LRRC4C: variants seen among roughly 807,000 people sequenced by gnomAD.
LRRC4C encodes leucine rich repeat containing 4C.
LRRC4C carries 5 observed loss-of-function variants against 33.6 expected under a neutral mutation model. The ratio of observed to expected loss-of-function variants is 0.15; its 90% CI spans 0.08 to 0.31. LRRC4C has a LOEUF of 0.31. LRRC4C is among the 10% of genes least tolerant of loss of function. The pLI is 1.00. For synonymous variants in LRRC4C, 329 were observed against 302.0 expected (o/e 1.09, Z -0.93); for missense variants, 560 against 796.7 (o/e 0.70, Z 3.58).
At chr11:40,298,431 C>T (rs1264452233) in intron 4 of LRRC4C, among the ~76,000 whole-genome samples, 1 of 150,512 alleles carries the variant, frequency 6.6e-6, no homozygotes, top group Non-Finnish European at 1.5e-5. Context: ...TGCAACTGGG[C>T]TCCACCCCAC....
chr11:40,281,653 C>G (rs1471042956), intron 4 of LRRC4C, among the ~76,000 whole-genome samples: 1 of 152,068 alleles, frequency 6.6e-6, no homozygotes, highest in East Asian at 1.9e-4. Context: ...GTCCATTGCC[C>G]TGAAATTAAA....
chr11:40,211,908 TG>T (rs1863631291), intron 5 of LRRC4C, among the ~76,000 whole-genome samples: 1 of 152,186 alleles, frequency 6.6e-6, no homozygotes, highest in Non-Finnish European at 1.5e-5. Flanking sequence ...ATTAGAATGT[TG>T]GGACAGAGAG....
intron 5 of LRRC4C, among the ~76,000 whole-genome samples, chr11:40,235,536 T>C (rs1016878936): frequency 6.6e-6 from 1 of 152,142 alleles, no homozygotes; most frequent in Non-Finnish European, 1.5e-5. Flanking sequence ...GACAAATTGT[T>C]GAAAGAAAAT....
chr11:40,972,461 A>T (rs561116426), intron 1 of LRRC4C, among the ~76,000 whole-genome samples: 2 of 152,248 alleles, frequency 1.3e-5, no homozygotes, highest in African/African-American at 2.4e-5. Flanking sequence ...TGAGAAGGAC[A>T]TGAGATTTGG....
chr11:40,147,831 T>G (rs186951075), intron 5 of LRRC4C, among the ~76,000 whole-genome samples: 9 of 152,204 alleles, frequency 5.9e-5, no homozygotes, highest in Middle Eastern at 3.4e-3. Flanking sequence ...TTGTACAGAT[T>G]ATTTCATCAC....
At chr11:41,119,484 G>A (rs1433170155) in intron 1 of LRRC4C, among the ~76,000 whole-genome samples, 1 of 152,182 alleles carries the variant, frequency 6.6e-6, no homozygotes, top group Non-Finnish European at 1.5e-5. Context: ...AAGTCAATTT[G>A]CCTAAACCAC....
chr11:40,633,325 T>TTTTCTTTCTTTCTTTCTTTCTTTCTTTC (rs1555125485), intron 3 of LRRC4C, among the ~76,000 whole-genome samples: 71 of 112,274 alleles, frequency 6.3e-4, no homozygotes, highest in African/African-American at 7.9e-4. Context: ...CAAGTTTTCT[T>TTTTCTTTCTTTCTTTCTTTCTTTCTTTC]TTTCTTTCTT....
At chr11:41,250,480 C>T (rs998114163) in intron 1 of LRRC4C, among the ~76,000 whole-genome samples, 8 of 152,120 alleles carry the variant, frequency 5.3e-5, no homozygotes, top group Non-Finnish European at 1.0e-4. Flanking sequence ...ATAAAATTTT[C>T]CTTGACATAA....
In LRRC4C at chr11:40,692,038, A is replaced by G. The variant is rs114230454; in HGVS notation, c.-406-43760T>C. Among the ~76,000 whole-genome samples the G allele has an allele frequency of 1.0e-3, 159 of 152,098 alleles. 1 individual carries two copies. The highest frequency in any genetic ancestry group is 3.7e-3 in the African/African-American group (152 of 41,506). On this transcript the variant is annotated intron_variant, in intron 2 of 6. Transcript: ENST00000528697. ...TTCTTTCAGAAAATAGACACCATTTATTTTTATTTGCTCCTTTAAATCTGA... is the reference window on the plus strand; with the variant it reads ...TTCTTTCAGAAAATAGACACCATTTGTTTTTATTTGCTCCTTTAAATCTGA...
chr11:40,649,453 C>T (rs1428636230), intron 2 of LRRC4C, among the ~76,000 whole-genome samples: 1 of 152,178 alleles, frequency 6.6e-6, no homozygotes, highest in Admixed American at 6.5e-5. Context: ...CTGCCCGACC[C>T]CGCAGGCAGT....
chr11:41,215,412 C>T (rs1348819089), intron 1 of LRRC4C, among the ~76,000 whole-genome samples: 1 of 148,796 alleles, frequency 6.7e-6, no homozygotes, highest in Non-Finnish European at 1.5e-5. Flanking sequence ...TGCTTGAACC[C>T]ATGAGCAGAA....
At chr11:41,272,624 C>T (rs1949356492) in intron 1 of LRRC4C, among the ~76,000 whole-genome samples, 1 of 151,872 alleles carries the variant, frequency 6.6e-6, no homozygotes, top group Non-Finnish European at 1.5e-5. Context: ...ATTCATAGCA[C>T]GTATTAAAAA....
At chr11:40,848,845 A>ATACT in intron 2 of LRRC4C, among the ~76,000 whole-genome samples, 1 of 152,198 alleles carries the variant, frequency 6.6e-6, no homozygotes, top group East Asian at 1.9e-4. Context: ...GGGTGCATAT[A>ATACT]TACTTAGAAT....
intron 2 of LRRC4C, among the ~76,000 whole-genome samples, chr11:40,893,818 AACAC>A (rs55810825): frequency 0.25 from 17,224 of 69,870 alleles, 1,599 homozygotes; most frequent in Middle Eastern, 0.3. Flanking sequence ...TACGTATTAT[AACAC>A]ACACACACAC....
At chr11:41,397,482 T>G (rs1953864184) in intron 1 of LRRC4C, among the ~76,000 whole-genome samples, 1 of 151,942 alleles carries the variant, frequency 6.6e-6, no homozygotes, top group Non-Finnish European at 1.5e-5. Flanking sequence ...AGATATAGTA[T>G]ATAATACATA....
intron 3 of LRRC4C, among the ~76,000 whole-genome samples, chr11:40,341,684 TA>T (rs1417692730): frequency 1.3e-5 from 2 of 152,180 alleles, no homozygotes; most frequent in Admixed American, 6.5e-5. Context: ...ACTTAAAGTA[TA>T]ATAAAAAAAC....
At chr11:41,146,527 C>T (rs1168945771) in intron 1 of LRRC4C, among the ~76,000 whole-genome samples, 1 of 152,142 alleles carries the variant, frequency 6.6e-6, no homozygotes, top group African/African-American at 2.4e-5. Context: ...TTTAGAAAAG[C>T]AAAAGTAGGA....
chr11:40,846,093 G>A, intron 2 of LRRC4C, among the ~76,000 whole-genome samples: 1 of 151,284 alleles, frequency 6.6e-6, no homozygotes, highest in East Asian at 1.9e-4. Context: ...CTGTCAGATG[G>A]ACAGATTGCA....
intron 3 of LRRC4C, among the ~76,000 whole-genome samples, chr11:40,578,514 C>T (rs1958320449): frequency 6.6e-6 from 1 of 151,856 alleles, no homozygotes; most frequent in Non-Finnish European, 1.5e-5. Context: ...CTTTTTTCTA[C>T]CCAAGCATTC....
Sources: allele counts gnomAD v4.1 joint callset (sites outside exome capture counted in the v4.1 genomes callset), GRCh38; gene constraint gnomAD v4.1.1; transcripts MANE v1.5; gene names NCBI Gene and HGNC (gene_info 2026-07-23, HGNC 2026-07-21).